SRGAP3: variants seen among roughly 807,000 people sequenced by gnomAD.
SRGAP3 encodes SLIT-ROBO Rho GTPase-activating protein 3.
SRGAP3 carries 39 observed loss-of-function variants against 121.1 expected under a neutral mutation model. The observed-to-expected ratio is 0.32, with a 90% CI of 0.25 to 0.42. The LOEUF is 0.42. Ranked by LOEUF, SRGAP3 falls within the 10% of genes least tolerant of loss-of-function variation. The pLI is 1.00. For synonymous variants in SRGAP3, 601 were observed against 570.0 expected (o/e 1.05, Z -0.77); for missense variants, 1,213 against 1,470.6 (o/e 0.82, Z 2.86).
intron 3 of SRGAP3, among the ~76,000 whole-genome samples, chr3:9,088,555 C>A (rs959849369): frequency 6.6e-6 from 1 of 152,154 alleles, no homozygotes; most frequent in African/African-American, 2.4e-5. Context: ...CAGTAGCATT[C>A]CCTACCCCCA....
At chr3:9,111,090 T>C (rs1007420338) in intron 2 of SRGAP3, among the ~76,000 whole-genome samples, 1 of 152,194 alleles carries the variant, frequency 6.6e-6, no homozygotes, top group Non-Finnish European at 1.5e-5. Flanking sequence ...TGTTGAATAT[T>C]TTGTATAGAT....
At chr3:9,016,424 T>C (rs2125042197) in intron 14 of SRGAP3, among the ~76,000 whole-genome samples, 1 of 152,352 alleles carries the variant, frequency 6.6e-6, no homozygotes, top group South Asian at 2.1e-4. Context: ...TTGTCTGTTT[T>C]CTCATGATTA....
chr3:9,137,464 C>T (rs1490269404), intron 1 of SRGAP3, among the ~76,000 whole-genome samples: 1 of 152,036 alleles, frequency 6.6e-6, no homozygotes, highest in Non-Finnish European at 1.5e-5. Flanking sequence ...AAAGGAAGCA[C>T]AGTATATTGG....
Position 9,015,926 on chromosome 3 carries a change from TATAGA to T in SRGAP3, c.1679-200_1679-196del, listed in dbSNP as rs1199936127. 5 of 619,200 alleles carry T rather than the reference TATAGA, an allele frequency of 8.1e-6. No homozygotes were observed. The African/African-American group carries it at 9.2e-5, about 11-fold the overall frequency. The allele number at this position is 619,200 out of a possible 1,614,324, so 38.4% of individuals were successfully genotyped here. ...CAACTTATTTGAAAATGTTTAAATCTATAGAAAAGTTGTAAAAATAAAATAATGAA... is the reference window on the plus strand; with the variant it reads ...CAACTTATTTGAAAATGTTTAAATCTAAAGTTGTAAAAATAAAATAATGAA... On this transcript the variant is annotated intron_variant, in intron 14 of 21. Coordinates refer to ENST00000383836, the MANE Select transcript of SRGAP3 (RefSeq NM_014850.4).
exon 3 of SRGAP3, chr3:9,326,111 G>C: frequency 6.6e-6 from 1 of 151,940 alleles, no homozygotes. Flanking sequence ...TTTTGCTGTG[G>C]TGTGGATGGT....
At chr3:9,291,164 G>T (rs1442331892) in intron 3 of SRGAP3, among the ~76,000 whole-genome samples, 1 of 152,144 alleles carries the variant, frequency 6.6e-6, no homozygotes, top group Non-Finnish European at 1.5e-5. Flanking sequence ...GTGTATACAT[G>T]ATCAATTCAT....
chr3:9,248,437 G>A (rs1379747086), intron 1 of SRGAP3, among the ~76,000 whole-genome samples: 1 of 152,074 alleles, frequency 6.6e-6, no homozygotes, highest in East Asian at 1.9e-4. Context: ...AGAGGCGGAG[G>A]CAAAACCACC....
In SRGAP3 at chr3:9,089,936, C is replaced by T. The variant is rs143449891; in HGVS notation, c.424-9849G>A. On this transcript the variant is annotated intron_variant, in intron 3 of 21. Coordinates refer to ENST00000383836, the MANE Select transcript of SRGAP3 (RefSeq NM_014850.4). ...CCCCGGGGGTTGCTAAAAGGGTCTT[C>T]AGGAGTCTTGCACTGCCTGCAGTAC... 3.1e-3 allele frequency among the ~76,000 whole-genome samples: 479 copies of T among 152,212 alleles called. 1 individual carries two copies. Among genetic ancestry groups the T allele is most frequent in the African/African-American group, 0.011 (458 of 41,552 alleles).
intron 18 of SRGAP3, among the ~76,000 whole-genome samples, chr3:8,995,022 G>A (rs543868117): frequency 2.4e-4 from 36 of 152,138 alleles, no homozygotes; most frequent in Non-Finnish European, 2.9e-4. Context: ...AAAGCTCATT[G>A]TTAAGGACTG....
At chr3:9,304,952 C>T (rs980719054) in intron 3 of SRGAP3, among the ~76,000 whole-genome samples, 1 of 152,336 alleles carries the variant, frequency 6.6e-6, no homozygotes, top group East Asian at 1.9e-4. Context: ...CTAAGCCTTT[C>T]TCAACAATAC....
intron 3 of SRGAP3, among the ~76,000 whole-genome samples, chr3:9,296,449 T>C (rs956425986): frequency 6.6e-6 from 1 of 152,228 alleles, no homozygotes; most frequent in Non-Finnish European, 1.5e-5. Flanking sequence ...TTCTAGAAGA[T>C]GGAAAACAGA....
At chr3:9,312,436 C>T (rs1220720661) in intron 3 of SRGAP3, among the ~76,000 whole-genome samples, 2 of 152,188 alleles carry the variant, frequency 1.3e-5, no homozygotes, top group African/African-American at 2.4e-5. Flanking sequence ...GGATTACAGG[C>T]GTGAGCCACC....
chr3:9,270,416 T>C (rs1029294732), intron 3 of SRGAP3, among the ~76,000 whole-genome samples: 1 of 151,470 alleles, frequency 6.6e-6, no homozygotes, highest in African/African-American at 2.4e-5. Flanking sequence ...CCTATGGGGG[T>C]GGAGATTGAC....
chr3:9,048,153 C>T (rs141243723), intron 9 of SRGAP3, among the ~76,000 whole-genome samples: 200 of 152,374 alleles, frequency 1.3e-3, no homozygotes, highest in African/African-American at 4.6e-3. Flanking sequence ...AGGGCTCTGG[C>T]CCAGAGCAGT....
chr3:9,152,475 C>T (rs1950245024), intron 1 of SRGAP3, among the ~76,000 whole-genome samples: 1 of 152,200 alleles, frequency 6.6e-6, no homozygotes, highest in African/African-American at 2.4e-5. Flanking sequence ...TAGGTACAAG[C>T]CCTAAAGCCA....
intron 20 of SRGAP3, 98 bp from the exon 21 acceptor site, chr3:8,990,937 G>C: frequency 9.2e-7 from 1 of 1,085,488 alleles, no homozygotes; most frequent in Non-Finnish European, 1.3e-6. Flanking sequence ...CTACACGCTA[G>C]TCTAAGGAGC....
At chr3:9,146,746 C>G (rs1950036355) in intron 1 of SRGAP3, among the ~76,000 whole-genome samples, 3 of 152,138 alleles carry the variant, frequency 2.0e-5, no homozygotes. Context: ...AGCACCAGGA[C>G]CAGGTGCTAG....
rs765408588 is a variant in SRGAP3, at chr3:9,262,534, C to CAAAAAAAAAAAAAAAAAAA, written n.442+63457_442+63475dup. 1.1e-3 allele frequency among the ~76,000 whole-genome samples: 27 copies of CAAAAAAAAAAAAAAAAAAA among 25,566 alleles called. 2 individuals carry two copies. The highest frequency in any genetic ancestry group is 1.7e-3 in the Non-Finnish European group (22 of 13,266). The allele number at this position is 25,566 out of a possible 152,430, so 16.8% of individuals were successfully genotyped here. On this transcript the variant is annotated intron_variant and non_coding_transcript_variant, in intron 3 of 3. Transcript: ENST00000490889. ...GAAGATTTACCAAGCAAATGGAAAG[C>CAAAAAAAAAAAAAAAAAAA]AAAAAAAAAAAAAAAAAAAAAAGCA... is the stretch of plus-strand genomic sequence containing the variant.
chr3:9,189,646 G>T (rs556047757), intron 1 of SRGAP3, among the ~76,000 whole-genome samples: 1 of 152,314 alleles, frequency 6.6e-6, no homozygotes, highest in African/African-American at 2.4e-5. Flanking sequence ...TACAATGGCT[G>T]CCAGGAGGGC....
Sources: gnomAD v4.1 joint callset for allele counts (sites outside exome capture counted in the v4.1 genomes callset) on GRCh38, gnomAD v4.1.1 for gene constraint, MANE v1.5 for transcripts, NCBI Gene and HGNC (gene_info 2026-07-23, HGNC 2026-07-21) for gene names.